Variants in PTPRK observed in about 807,000 individuals in gnomAD.
PTPRK encodes the protein protein tyrosine phosphatase receptor type K, also known as receptor-type tyrosine-protein phosphatase kappa.
In PTPRK, 75 loss-of-function variants were observed where a neutral mutation model predicts 178.0. The ratio of observed to expected loss-of-function variants is 0.42; its 90% CI spans 0.35 to 0.51. The LOEUF is 0.51. Among genes scored for constraint, PTPRK ranks in the 20% least tolerant of loss-of-function variants. The pLI is 0.02. For missense variants in PTPRK, 1,441 were observed against 1,797.8 expected, an observed-to-expected ratio of 0.80 and a Z score of 3.59; for synonymous variants, 637 against 620.6, an observed-to-expected ratio of 1.03 and a Z score of -0.39.
At chr6:128,244,039 C>T (rs1441628927) in intron 3 of PTPRK, among the ~76,000 whole-genome samples, 1 of 152,156 alleles carries the variant, frequency 6.6e-6, no homozygotes. Flanking sequence ...CTTACTGACT[C>T]AGTTGTGAAA....
At chr6:128,440,709 T>G (rs1486819722) in intron 1 of PTPRK, among the ~76,000 whole-genome samples, 1 of 152,174 alleles carries the variant, frequency 6.6e-6, no homozygotes, top group South Asian at 2.1e-4. Context: ...TTATCTTTAA[T>G]AAAATGCCTT....
chr6:128,108,545 C>A (rs1235103406), intron 7 of PTPRK, among the ~76,000 whole-genome samples: 1 of 152,114 alleles, frequency 6.6e-6, no homozygotes, highest in African/African-American at 2.4e-5. Flanking sequence ...GGTGAGGTAC[C>A]TTGCCATAAC....
At chr6:128,089,296 A>T (rs1267236755) in intron 8 of PTPRK, among the ~76,000 whole-genome samples, 1 of 152,240 alleles carries the variant, frequency 6.6e-6, no homozygotes, top group African/African-American at 2.4e-5. Context: ...GAGAAAAATA[A>T]AAACAGCTAC....
chr6:128,034,836 G>A (rs150197110), intron 13 of PTPRK, among the ~76,000 whole-genome samples: 37 of 152,258 alleles, frequency 2.4e-4, no homozygotes, highest in African/African-American at 8.2e-4. Context: ...CGTGTGGATT[G>A]TGTGAAATGT....
intron 7 of PTPRK, 64 bp downstream of exon 7, chr6:128,184,367 AT>A (rs1802418557): frequency 6.8e-7 from 1 of 1,465,730 alleles, no homozygotes; most frequent in Admixed American, 1.9e-5. Context: ...TCAACACTGC[AT>A]GTATTAATGT....
At chr6:128,400,595 G>C (rs1840890250) in intron 1 of PTPRK, among the ~76,000 whole-genome samples, 1 of 151,784 alleles carries the variant, frequency 6.6e-6, no homozygotes, top group South Asian at 2.1e-4. Flanking sequence ...AGGAATAGAG[G>C]GAAACAGAGG....
At chr6:128,155,434 T>C (rs916952115) in intron 7 of PTPRK, among the ~76,000 whole-genome samples, 1 of 151,740 alleles carries the variant, frequency 6.6e-6, no homozygotes, top group Non-Finnish European at 1.5e-5. Flanking sequence ...AGCTATTTAG[T>C]TATCTTGAGT....
intron 5 of PTPRK, among the ~76,000 whole-genome samples, chr6:128,224,038 T>G (rs1373530596): frequency 6.6e-6 from 1 of 152,208 alleles, no homozygotes; most frequent in African/African-American, 2.4e-5. Context: ...TGAAAACATT[T>G]AAATTCTAGA....
chr6:128,133,614 TA>T (rs1794583591), intron 7 of PTPRK, among the ~76,000 whole-genome samples: 1 of 152,114 alleles, frequency 6.6e-6, no homozygotes, highest in Non-Finnish European at 1.5e-5. Context: ...AACCCAAAAT[TA>T]AAATTGGATT....
intron 2 of PTPRK, among the ~76,000 whole-genome samples, chr6:128,375,555 G>A (rs1256998390): frequency 6.6e-6 from 1 of 152,042 alleles, no homozygotes; most frequent in South Asian, 2.1e-4. Context: ...TTTTGGTGGG[G>A]ACACAGCCAG....
At chr6:128,400,954 T>G (rs1840936759) in intron 1 of PTPRK, among the ~76,000 whole-genome samples, 1 of 152,026 alleles carries the variant, frequency 6.6e-6, no homozygotes, top group Admixed American at 6.5e-5. Context: ...GAAAGAAAAA[T>G]GAGCAAGGAA....
At chr6:128,225,547 A>G (rs1376760677) in intron 5 of PTPRK, among the ~76,000 whole-genome samples, 7 of 152,214 alleles carry the variant, frequency 4.6e-5, no homozygotes, top group Admixed American at 1.3e-4. Flanking sequence ...TAAAGATACT[A>G]TCATCATCAC....
chr6:128,306,837 G>A (rs937653221), intron 3 of PTPRK, among the ~76,000 whole-genome samples: 2 of 152,012 alleles, frequency 1.3e-5, no homozygotes, highest in African/African-American at 2.4e-5. Context: ...TTATACTTTA[G>A]AAAAATTAAT....
intron 1 of PTPRK, 127 bp downstream of exon 1, chr6:128,520,132 G>A: frequency 1.3e-6 from 1 of 795,108 alleles, no homozygotes; most frequent in Non-Finnish European, 2.0e-6. Flanking sequence ...CCTCTACCCT[G>A]TGTTCCCCAC....
At chr6:128,449,934 A>G (rs1847546040) in intron 1 of PTPRK, among the ~76,000 whole-genome samples, 1 of 81,736 alleles carries the variant, frequency 1.2e-5, no homozygotes, top group Admixed American at 1.2e-4. Flanking sequence ...CGTCTTTACT[A>G]AAAATGCAAA....
At chr6:128,249,224 C>T (rs1415485175) in intron 3 of PTPRK, among the ~76,000 whole-genome samples, 1 of 149,928 alleles carries the variant, frequency 6.7e-6, no homozygotes, top group African/African-American at 2.5e-5. Flanking sequence ...GTAGAATTTC[C>T]AGTTATATTT....
At chr6:127,970,388 A>T in intron 29 of PTPRK, 108 bp from the exon 30 acceptor site, 1 of 763,062 alleles carries the variant, frequency 1.3e-6, no homozygotes, top group Non-Finnish European at 2.1e-6. Context: ...CTCAAGGATT[A>T]CAATTTATTT....
intron 2 of PTPRK, among the ~76,000 whole-genome samples, chr6:128,337,141 T>C (rs1001637081): frequency 2.6e-5 from 4 of 152,190 alleles, no homozygotes; most frequent in African/African-American, 9.6e-5. Flanking sequence ...TCATAAGCTC[T>C]TATGTCTGAT....
rs760644863 is a variant in PTPRK, at chr6:128,089,691, A to C, written c.1464T>G (p.Asp488Glu). The change falls in exon 8 of 30, where the codon GAT becomes GAG. Residue 488 changes from aspartate (D) to glutamate (E), a missense_variant and splice_region_variant. Coordinates refer to ENST00000368226, the MANE Select transcript of PTPRK (RefSeq NM_002844.4). ...TTAAACAGCAAAGTATGAGCATACC[A>C]TCTTCATCAGTTTGAATAATTGTCT... ...SEETIIQTDE[D>E]VPGPVPVKSL... 2 of 1,607,016 alleles carry C rather than the reference A, an allele frequency of 1.2e-6. No individual in the cohort carries two copies. Among genetic ancestry groups the C allele is most frequent in the Non-Finnish European group, 1.7e-6 (2 of 1,173,508 alleles).
Sources: allele counts gnomAD v4.1 joint callset (sites outside exome capture counted in the v4.1 genomes callset), GRCh38; gene constraint gnomAD v4.1.1; transcripts MANE v1.5; gene names NCBI Gene and HGNC (gene_info 2026-07-23, HGNC 2026-07-21).